Variants in KAZN observed in about 807,000 individuals in gnomAD.
The protein encoded by KAZN is kazrin, periplakin interacting protein.
Under a neutral mutation model 87.4 loss-of-function variants are expected in KAZN, and 40 were observed. The ratio of observed to expected loss-of-function variants is 0.46; its 90% CI spans 0.36 to 0.60. The LOEUF (loss-of-function observed/expected upper bound fraction) is 0.60, where lower values mean the gene tolerates loss of function less well. KAZN is among the 20% of genes least tolerant of loss of function. KAZN has a pLI of 0.00. For synonymous variants in KAZN, 466 were observed against 458.3 expected (o/e 1.02, Z -0.22); for missense variants, 898 against 1,073.9 (o/e 0.84, Z 2.29).
At position 14,483,046 on chromosome 1, in the gene KAZN, G is replaced by A. The variant is rs145188714; in HGVS notation, c.250-115937G>A. Among the ~76,000 whole-genome samples, 853 of 152,246 alleles carry A rather than the reference G, an allele frequency of 5.6e-3. 4 individuals carry two copies. The highest frequency in any genetic ancestry group is 9.4e-3 in the Non-Finnish European group (640 of 68,026). ...GAATATATGCAAAGAGCTTTTCTAA[G>A]CTTTCCTTCCTGGCATGCTGACTGA... is the stretch of plus-strand genomic sequence containing the variant. On this transcript the variant is annotated intron_variant, in intron 2 of 16. Transcript: ENST00000636203.
At chr1:15,026,537 G>A (rs954423909) in intron 2 of KAZN, among the ~76,000 whole-genome samples, 8 of 152,068 alleles carry the variant, frequency 5.3e-5, no homozygotes, top group African/African-American at 1.7e-4. Context: ...CCAGAACCTG[G>A]GACCCCCACC....
At chr1:14,501,021 A>G (rs1670210576) in intron 2 of KAZN, among the ~76,000 whole-genome samples, 1 of 151,812 alleles carries the variant, frequency 6.6e-6, no homozygotes, top group Non-Finnish European at 1.5e-5. Flanking sequence ...AAATGTTTAA[A>G]GAAGAATAAA....
At chr1:14,926,592 A>G (rs144661444) in intron 1 of KAZN, among the ~76,000 whole-genome samples, 1 of 152,318 alleles carries the variant, frequency 6.6e-6, no homozygotes, top group African/African-American at 2.4e-5. Context: ...TGGTTCTTAA[A>G]GACCAAATCG....
intron 2 of KAZN, among the ~76,000 whole-genome samples, chr1:15,009,817 C>T (rs995785994): frequency 4.6e-5 from 7 of 152,190 alleles, no homozygotes; most frequent in Non-Finnish European, 1.0e-4. Context: ...TTCATCAACC[C>T]ATGGCCAATT....
At chr1:14,138,598 A>G (rs1200182275) in intron 1 of KAZN, among the ~76,000 whole-genome samples, 2 of 152,092 alleles carry the variant, frequency 1.3e-5, no homozygotes, top group African/African-American at 2.4e-5. Context: ...ACATCTCCGC[A>G]TTGTTGGAAT....
intron 2 of KAZN, among the ~76,000 whole-genome samples, chr1:14,250,386 C>CAT (rs2100609843): frequency 6.6e-6 from 1 of 151,726 alleles, no homozygotes; most frequent in East Asian, 2.0e-4. Context: ...TTCTAAGACA[C>CAT]ATATATATGA....
At chr1:14,000,875 C>T (rs995694697) in intron 1 of KAZN, among the ~76,000 whole-genome samples, 4 of 151,514 alleles carry the variant, frequency 2.6e-5, no homozygotes, top group African/African-American at 4.8e-5. Context: ...CTCCGCCTCC[C>T]GGGTTCACGC....
intron 2 of KAZN, among the ~76,000 whole-genome samples, chr1:14,409,186 A>G (rs1664102681): frequency 6.6e-6 from 1 of 152,260 alleles, no homozygotes; most frequent in Non-Finnish European, 1.5e-5. Context: ...TTAAATGCAT[A>G]GATGAGCTTT....
chr1:14,550,383 A>G (rs746754066), intron 2 of KAZN, among the ~76,000 whole-genome samples: 5 of 152,216 alleles, frequency 3.3e-5, no homozygotes, highest in Non-Finnish European at 5.9e-5. Context: ...TGACAGCTGC[A>G]GGTTCAGAAG....
At chr1:13,940,601 C>G (rs2100966820) in intron 1 of KAZN, among the ~76,000 whole-genome samples, 1 of 152,098 alleles carries the variant, frequency 6.6e-6, no homozygotes, top group South Asian at 2.1e-4. Context: ...AAAAAAGAAT[C>G]AATGACAACT....
chr1:14,387,094 G>C, intron 2 of KAZN, among the ~76,000 whole-genome samples: 1 of 152,044 alleles, frequency 6.6e-6, no homozygotes, highest in East Asian at 1.9e-4. Context: ...CTTTCTTCCA[G>C]TTGATCGCAT....
Position 15,077,938 on chromosome 1 carries a change from A to G in KAZN, c.1222+12185A>G, listed in dbSNP as rs1350739652. 2.6e-5 allele frequency among the ~76,000 whole-genome samples: 4 copies of G among 152,174 alleles called. No individual in the cohort carries two copies. The highest frequency in any genetic ancestry group is 2.9e-5 in the Non-Finnish European group (2 of 68,026). On this transcript the variant is annotated intron_variant, in intron 8 of 14. Transcript: ENST00000376030. The surrounding 1 kb of genome is among the most constrained non-coding windows in gnomAD (Gnocchi z 4.8). Reference sequence around the variant, plus strand: ...TGGGGTAGGCATTTGATGTACACTCATTAAGTCTTTCAACGAACACTGACT... The same window carrying G: ...TGGGGTAGGCATTTGATGTACACTCGTTAAGTCTTTCAACGAACACTGACT...
intron 1 of KAZN, among the ~76,000 whole-genome samples, chr1:14,875,891 T>C (rs1161143838): frequency 1.3e-5 from 2 of 152,236 alleles, no homozygotes; most frequent in African/African-American, 4.8e-5. Flanking sequence ...AGGGGGTAGA[T>C]TTCAGCCCAG....
At chr1:14,413,154 T>C (rs1379104691) in intron 2 of KAZN, among the ~76,000 whole-genome samples, 1 of 151,022 alleles carries the variant, frequency 6.6e-6, no homozygotes, top group Non-Finnish European at 1.5e-5. Flanking sequence ...TAGATAGAGA[T>C]TAGATATCTA....
intron 1 of KAZN, among the ~76,000 whole-genome samples, chr1:14,124,623 C>A (rs1570795961): frequency 6.6e-6 from 1 of 152,236 alleles, no homozygotes; most frequent in African/African-American, 2.4e-5. Context: ...ATTGCTTAAG[C>A]TCTCTGGAAA....
At chr1:14,635,030 T>C (rs1679856382) in intron 1 of KAZN, among the ~76,000 whole-genome samples, 1 of 152,144 alleles carries the variant, frequency 6.6e-6, no homozygotes, top group African/African-American at 2.4e-5. Flanking sequence ...CATAAAATGA[T>C]GAGGGGGAAG....
chr1:15,100,763 G>GTGGC (rs1349427402), intron 10 of KAZN, among the ~76,000 whole-genome samples: 1 of 152,258 alleles, frequency 6.6e-6, no homozygotes, highest in Non-Finnish European at 1.5e-5. Context: ...GAGCCACTGT[G>GTGGC]TGGCTCTAGG....
chr1:14,418,038 A>AAAAAAAAAAAAAAC (rs1557705911), intron 2 of KAZN, among the ~76,000 whole-genome samples: 1 of 133,266 alleles, frequency 7.5e-6, no homozygotes, highest in Non-Finnish European at 1.6e-5. Context: ...AAAAAAAAAA[A>AAAAAAAAAAAAAAC]AAAAAACCTA....
chr1:14,908,208 G>A (rs1028069180), intron 1 of KAZN, among the ~76,000 whole-genome samples: 8 of 150,736 alleles, frequency 5.3e-5, no homozygotes, highest in African/African-American at 2.0e-4. Context: ...GACCAGCCTG[G>A]GCAACATAGC....
Sources: gnomAD v4.1 joint callset for allele counts (sites outside exome capture counted in the v4.1 genomes callset) on GRCh38, gnomAD v4.1.1 for gene constraint, Gnocchi (gnomAD v3.1) non-coding constraint, MANE v1.5 for transcripts, NCBI Gene and HGNC (gene_info 2026-07-23, HGNC 2026-07-21) for gene names.